DGKB: variants seen among roughly 807,000 people sequenced by gnomAD.
DGKB encodes the protein 90 kDa diacylglycerol kinase.
DGKB carries 67 observed loss-of-function variants against 114.3 expected under a neutral mutation model. The ratio of observed to expected loss-of-function variants is 0.59; its 90% CI spans 0.48 to 0.72. The LOEUF (loss-of-function observed/expected upper bound fraction) is 0.72. Ranked by LOEUF, DGKB falls within the 30% of genes least tolerant of loss-of-function variation. DGKB has a pLI of 0.00. For synonymous variants in DGKB, 398 were observed against 323.1 expected, an observed-to-expected ratio of 1.23 and a Z score of -2.49; for missense variants, 907 against 975.2, an observed-to-expected ratio of 0.93 and a Z score of 0.93.
At chr7:14,704,998 G>C (rs1405258336) in intron 6 of DGKB, among the ~76,000 whole-genome samples, 2 of 151,740 alleles carry the variant, frequency 1.3e-5, no homozygotes, top group Admixed American at 6.6e-5. Flanking sequence ...AGAGAAGAAG[G>C]CTTCAGACGA....
At chr7:14,662,132 C>T (rs1335584770) in intron 13 of DGKB, among the ~76,000 whole-genome samples, 1 of 151,726 alleles carries the variant, frequency 6.6e-6, no homozygotes, top group Non-Finnish European at 1.5e-5. Flanking sequence ...GTGCAGCGCA[C>T]CAGCATGGCA....
intron 20 of DGKB, among the ~76,000 whole-genome samples, chr7:14,521,331 G>T (rs1239327563): frequency 2.0e-5 from 3 of 152,080 alleles, no homozygotes; most frequent in Admixed American, 6.6e-5. Context: ...TTCAAAAAAT[G>T]GTGCTGGAAT....
chr7:14,172,785 T>G (rs1360281777), intron 25 of DGKB, among the ~76,000 whole-genome samples: 1 of 152,126 alleles, frequency 6.6e-6, no homozygotes, highest in African/African-American at 2.4e-5. Context: ...GGGTGCTGGT[T>G]GTACAGATAC....
intron 23 of DGKB, among the ~76,000 whole-genome samples, chr7:14,178,966 A>T (rs186077647): frequency 1.1e-3 from 161 of 152,304 alleles, no homozygotes; most frequent in African/African-American, 3.8e-3. Flanking sequence ...TTACAGATAG[A>T]GAAGCTAAAC....
intron 1 of DGKB, among the ~76,000 whole-genome samples, chr7:14,866,885 A>T (rs1851779387): frequency 6.6e-6 from 1 of 152,138 alleles, no homozygotes; most frequent in Non-Finnish European, 1.5e-5. Context: ...CATCCTTAAT[A>T]GCGTTTGATG....
intron 1 of DGKB, among the ~76,000 whole-genome samples, chr7:14,852,487 C>CAAAACA (rs1554304201): frequency 1.6e-4 from 10 of 63,614 alleles, no homozygotes; most frequent in South Asian, 5.8e-4. Flanking sequence ...TAGTGAAAGT[C>CAAAACA]AAAAAAAAAA....
intron 13 of DGKB, among the ~76,000 whole-genome samples, chr7:14,661,844 G>T (rs1817153871): frequency 6.6e-6 from 1 of 152,078 alleles, no homozygotes; most frequent in African/African-American, 2.4e-5. Context: ...AGAAAATGTG[G>T]CGCATATACA....
chr7:14,307,013 G>A (rs1369912335), intron 23 of DGKB, among the ~76,000 whole-genome samples: 4 of 151,966 alleles, frequency 2.6e-5, no homozygotes, highest in Non-Finnish European at 4.4e-5. Context: ...TGCCCTTAGT[G>A]TGCCTTTATC....
chr7:14,621,429 C>A lies in DGKB; in HGVS notation c.1233G>T (p.Lys411Asn). The change falls in exon 15 of 26, where the codon AAG (lysine) becomes AAT (asparagine). Residue 411 changes from lysine to asparagine, a missense_variant. Physicochemically the swap from Lys to Asn is moderately conservative, Grantham distance 94. Coordinates refer to ENST00000402815, the MANE Select transcript of DGKB (RefSeq NM_001350709.2). ...CAGAGTTGGCTCTTTGCATTTTATT[C>A]TTGTCAATCACTTTGTTTGGCTGCT... ...GSQQPNKVID[K>N]NKMQRANSVT... 1 of 1,611,368 alleles carries A rather than the reference C, an allele frequency of 6.2e-7. No homozygotes were observed. Among genetic ancestry groups the A allele is most frequent in the Non-Finnish European group, 8.5e-7 (1 of 1,178,552 alleles).
intron 21 of DGKB, among the ~76,000 whole-genome samples, chr7:14,369,321 T>C (rs751178520): frequency 1.3e-5 from 2 of 152,210 alleles, no homozygotes; most frequent in Non-Finnish European, 2.9e-5. Context: ...AGTCTATCAT[T>C]GATGGGCATT....
intron 20 of DGKB, among the ~76,000 whole-genome samples, chr7:14,512,752 T>C (rs1788175383): frequency 6.6e-6 from 1 of 152,082 alleles, no homozygotes; most frequent in African/African-American, 2.4e-5. Flanking sequence ...TTATATATTA[T>C]AGAACTCAAT....
intron 12 of DGKB, among the ~76,000 whole-genome samples, chr7:14,681,851 C>T (rs533683329): frequency 2.6e-4 from 39 of 152,198 alleles, no homozygotes; most frequent in African/African-American, 8.4e-4. Flanking sequence ...ACCAATTTAT[C>T]TCTTCTTACT....
chr7:14,442,318 C>A (rs1830186892), intron 21 of DGKB, among the ~76,000 whole-genome samples: 2 of 151,582 alleles, frequency 1.3e-5, no homozygotes, highest in Non-Finnish European at 2.9e-5. Context: ...TTATAATATT[C>A]TTTTTTTGTT....
chr7:14,552,704 A>G (rs955672432), intron 20 of DGKB, among the ~76,000 whole-genome samples: 1 of 152,226 alleles, frequency 6.6e-6, no homozygotes, highest in African/African-American at 2.4e-5. Context: ...CTTTTAGCAC[A>G]TTAAGTAAGG....
chr7:14,596,573 T>TAA lies in DGKB; in HGVS notation c.1433+10859_1433+10860dup, dbSNP rs146631079. Among the ~76,000 whole-genome samples the TAA allele has an allele frequency of 6.1e-3, 925 of 152,288 alleles. 8 individuals carry two copies. Among genetic ancestry groups the TAA allele is most frequent in the African/African-American group, 0.021 (855 of 41,560 alleles). ...AAAAATATCCATGAACCACATATTATAAGTCTCAGGGTTCAATCATGTAAT... is the reference window on the plus strand; with the variant it reads ...AAAAATATCCATGAACCACATATTATAAAAGTCTCAGGGTTCAATCATGTAAT... On this transcript the variant is annotated intron_variant, in intron 17 of 25. Transcript: ENST00000402815.
chr7:14,746,495 T>A (rs1382272009), intron 4 of DGKB, among the ~76,000 whole-genome samples: 1 of 152,102 alleles, frequency 6.6e-6, no homozygotes, highest in Non-Finnish European at 1.5e-5. Context: ...TACTTTAATT[T>A]TCCTTTTTTT....
intron 21 of DGKB, among the ~76,000 whole-genome samples, chr7:14,439,191 T>G (rs1829713176): frequency 6.6e-6 from 1 of 152,156 alleles, no homozygotes; most frequent in Admixed American, 6.6e-5. Context: ...CATTTGACAG[T>G]GGCCTCATTC....
At chr7:14,259,516 T>G (rs1037119320) in intron 23 of DGKB, among the ~76,000 whole-genome samples, 4 of 150,900 alleles carry the variant, frequency 2.7e-5, no homozygotes. Flanking sequence ...AACTTCTGCA[T>G]CCCGGCTTCA....
At chr7:14,865,692 G>T (rs764217168) in intron 1 of DGKB, among the ~76,000 whole-genome samples, 97 of 152,292 alleles carry the variant, frequency 6.4e-4, no homozygotes, top group Non-Finnish European at 6.9e-4. Context: ...ATGAGTAAAT[G>T]CCAGAGTGGT....
Sources: allele counts gnomAD v4.1 joint callset (sites outside exome capture counted in the v4.1 genomes callset), GRCh38; gene constraint gnomAD v4.1.1; transcripts MANE v1.5; gene names NCBI Gene and HGNC (gene_info 2026-07-23, HGNC 2026-07-21).